Variants in SENP5 observed in about 807,000 individuals in gnomAD.
The protein encoded by SENP5 is SUMO specific peptidase 5.
A neutral mutation model predicts 74.2 loss-of-function variants in SENP5; 21 were observed. That is an observed-to-expected ratio of 0.28 (90% CI 0.20 to 0.41). The LOEUF (loss-of-function observed/expected upper bound fraction) is 0.41, where lower values mean the gene tolerates loss of function less well. Ranked by LOEUF, SENP5 falls within the 10% of genes least tolerant of loss-of-function variation. The pLI is 1.00. For synonymous variants in SENP5, 311 were observed against 312.7 expected (o/e 0.99, Z 0.06); for missense variants, 717 against 889.1 (o/e 0.81, Z 2.46).
At chr3:196,893,589 A>T (rs1355532383) in intron 2 of SENP5, among the ~76,000 whole-genome samples, 1 of 152,142 alleles carries the variant, frequency 6.6e-6, no homozygotes, top group East Asian at 1.9e-4. Context: ...TCCATGATAT[A>T]GTGAATGGAA....
At chr3:196,895,339 C>T (rs1169117036) in intron 2 of SENP5, among the ~76,000 whole-genome samples, 2 of 148,194 alleles carry the variant, frequency 1.3e-5, no homozygotes, top group Admixed American at 1.3e-4. Context: ...GCGCCCGCCA[C>T]CATGCCCGGC....
intron 1 of SENP5, among the ~76,000 whole-genome samples, chr3:196,879,383 T>C (rs2108810261): frequency 6.6e-6 from 1 of 152,346 alleles, no homozygotes; most frequent in South Asian, 2.1e-4. Context: ...TTAATTGTCT[T>C]TATCTTTTGT....
rs1716102331 is a variant in SENP5, at chr3:196,933,024, T to G, written c.*2101T>G. On this transcript the variant is annotated 3_prime_UTR_variant, in exon 10 of 10. Transcript: ENST00000323460. ...AATGTTGAGTTTGGGTTTTTTGTTT[T>G]TTTTTTTTTTTGAGTCAGAGTCTCA... 1.4e-5 allele frequency: 2 copies of G among 139,060 alleles called. No homozygotes were observed. The highest frequency in any genetic ancestry group is 2.6e-5 in the African/African-American group (1 of 37,876). The allele number at this position is 139,060 out of a possible 1,614,324, so 8.6% of individuals were successfully genotyped here.
At chr3:196,929,755 G>A in intron 9 of SENP5, 72 bp downstream of exon 9, 1 of 1,020,354 alleles carries the variant, frequency 9.8e-7, no homozygotes, top group Non-Finnish European at 1.6e-6. Flanking sequence ...GGGAGAGATG[G>A]CAGTTCCTGT....
intron 7 of SENP5, among the ~76,000 whole-genome samples, chr3:196,924,643 A>G (rs1715746505): frequency 6.6e-6 from 1 of 152,204 alleles, no homozygotes; most frequent in Admixed American, 6.5e-5. Flanking sequence ...AAATTGATAC[A>G]GCCGCTTGGG....
rs1003214636 is a variant in SENP5 at position 196,931,643 on chromosome 3, G to A, written c.*720G>A. On this transcript the variant is annotated 3_prime_UTR_variant, in exon 10 of 10. Coordinates refer to ENST00000323460, the MANE Select transcript of SENP5 (RefSeq NM_152699.5). ...ATCGTGGTTTTAGGAATTATAATACGTGGCATACATCTCATAAAGGCTTTT... is the reference window on the plus strand; with the variant it reads ...ATCGTGGTTTTAGGAATTATAATACATGGCATACATCTCATAAAGGCTTTT... The A allele has an allele frequency of 2.0e-5, 5 of 254,468 alleles. No individual in the cohort carries two copies. The highest frequency in any genetic ancestry group is 7.1e-5 in the African/African-American group (3 of 42,464). 15.8% of individuals were successfully genotyped at this position (254,468 alleles called of 1,614,324 possible).
intron 6 of SENP5, among the ~76,000 whole-genome samples, chr3:196,908,934 T>C (rs940681894): frequency 2.7e-5 from 4 of 150,536 alleles, no homozygotes; most frequent in East Asian, 2.0e-4. Context: ...CTGAAGGAGA[T>C]AGAAACACAA....
At chr3:196,889,088 C>T (rs1044519038) in intron 2 of SENP5, among the ~76,000 whole-genome samples, 9 of 151,822 alleles carry the variant, frequency 5.9e-5, no homozygotes, top group African/African-American at 2.2e-4. Context: ...TGCACTCCAG[C>T]CTGGGCGACA....
chr3:196,898,939 C>T (rs941849773), intron 2 of SENP5, among the ~76,000 whole-genome samples: 5 of 151,824 alleles, frequency 3.3e-5, no homozygotes, highest in Admixed American at 6.6e-5. Context: ...ATTAGCCGGG[C>T]GTGGTGGCAG....
At chr3:196,880,007 G>A (rs981583127) in intron 1 of SENP5, among the ~76,000 whole-genome samples, 9 of 151,700 alleles carry the variant, frequency 5.9e-5, no homozygotes, top group Non-Finnish European at 1.0e-4. Context: ...GTGCAGTGGC[G>A]TGATCTCGGC....
chr3:196,868,435 C>T (rs780589847), intron 1 of SENP5, among the ~76,000 whole-genome samples: 34 of 152,224 alleles, frequency 2.2e-4, no homozygotes, highest in Non-Finnish European at 4.4e-4. Flanking sequence ...TTTTTATTTG[C>T]TTAGACCGCT....
At chr3:196,923,342 G>A (rs1715698684) in intron 6 of SENP5, 72 bp from the exon 7 acceptor site, 2 of 1,514,594 alleles carry the variant, frequency 1.3e-6, no homozygotes, top group African/African-American at 2.8e-5. Flanking sequence ...GTCAGCAAAT[G>A]GAAGCTGCTG....
Position 196,923,476 on chromosome 3 carries a change from C to G in SENP5, c.1947C>G (p.Leu649=). Residue 649 remains leucine, a synonymous_variant, in exon 7 of 10, where the codon CTC becomes CTG. Transcript: ENST00000323460. Reference sequence around the variant, plus strand: ...TTCACCTGGAAGTCCACTGGTCTCTCATTACTGTGACACTCTCTAATCGAA... The same window carrying G: ...TTCACCTGGAAGTCCACTGGTCTCTGATTACTGTGACACTCTCTAATCGAA... ...IPIHLEVHWS[L]ITVTLSNRII... 6.2e-7 allele frequency: 1 copy of G among 1,611,688 alleles called. No individual in the cohort carries two copies. The highest frequency in any genetic ancestry group is 8.5e-7 in the Non-Finnish European group (1 of 1,178,114).
intron 6 of SENP5, among the ~76,000 whole-genome samples, chr3:196,918,981 C>G (rs200267312): frequency 5.1e-5 from 1 of 19,452 alleles, no homozygotes; most frequent in Non-Finnish European, 2.3e-4. Context: ...ATGTGTGTAT[C>G]TATCTATCTA....
rs901303862 is a variant in SENP5 at position 196,920,926 on chromosome 3, T to C, written c.1885-2488T>C. Among the ~76,000 whole-genome samples the C allele has an allele frequency of 2.0e-5, 3 of 152,160 alleles. No individual in the cohort carries two copies. The East Asian group carries it at 5.8e-4, about 29-fold the overall frequency. On this transcript the variant is annotated intron_variant, in intron 6 of 9. Coordinates refer to ENST00000323460, the MANE Select transcript of SENP5 (RefSeq NM_152699.5). ...ATCACATGACAGGACTACACTTCTC[T>C]CTTTGGGAGGGCAGAGAAGTCACAT... is the stretch of plus-strand genomic sequence containing the variant.
At position 196,886,629 on chromosome 3, in the gene SENP5, G is replaced by A; in HGVS notation, c.1448G>A (p.Gly483Glu). ...GGACTCAAACTAGAAAATCAAGTAGGAGGTGGAAAGAACAGTCAGAAAGCC... is the reference window on the plus strand; with the variant it reads ...GGACTCAAACTAGAAAATCAAGTAGAAGGTGGAAAGAACAGTCAGAAAGCC... ...CSGLKLENQV[G>E]GGKNSQKASP... Residue 483 changes from glycine to glutamate, a missense_variant, in exon 2 of 10, where the codon GGA (glycine) becomes GAA (glutamate). Physicochemically the swap from Gly to Glu is moderately conservative, Grantham distance 98. Coordinates refer to ENST00000323460, the MANE Select transcript of SENP5 (RefSeq NM_152699.5). 1 of 1,608,412 alleles carries A rather than the reference G, an allele frequency of 6.2e-7. No homozygotes were observed. Among genetic ancestry groups the A allele is most frequent in the Non-Finnish European group, 8.5e-7 (1 of 1,177,890 alleles).
chr3:196,876,628 G>A (rs1295869360), intron 1 of SENP5, among the ~76,000 whole-genome samples: 1 of 151,102 alleles, frequency 6.6e-6, no homozygotes, highest in Non-Finnish European at 1.5e-5. Flanking sequence ...GATGGCTCGT[G>A]TCTATAATCT....
Position 196,900,401 on chromosome 3 carries a change from G to T in SENP5, c.1795G>T (p.Val599Phe). 2 of 1,608,816 alleles carry T rather than the reference G, an allele frequency of 1.2e-6. No individual in the cohort carries two copies. Among genetic ancestry groups the T allele is most frequent in the Non-Finnish European group, 1.7e-6 (2 of 1,177,588 alleles). Residue 599 changes from valine (V) to phenylalanine (F), a missense_variant, in exon 5 of 10, where the codon GTC becomes TTC. By Grantham distance (50) the Val-to-Phe change is conservative. Coordinates refer to ENST00000323460, the MANE Select transcript of SENP5 (RefSeq NM_152699.5). Reference sequence around the variant, plus strand: ...GTATGGTGAGCTGATAATGGATGCAGTCCCAGACAAAGTAAGTGAAAACTT... The same window carrying T: ...GTATGGTGAGCTGATAATGGATGCATTCCCAGACAAAGTAAGTGAAAACTT... The part of the protein sequence containing the change: ...NMYGELIMDA[V>F]PDKVHFFNSF...
chr3:196,929,430 A>G (rs1388977017), intron 8 of SENP5: 3 of 501,490 alleles, frequency 6.0e-6, no homozygotes, highest in Non-Finnish European at 1.0e-5. Context: ...ACATTGTCCT[A>G]TAAATTGGGG....
Sources: gnomAD v4.1 joint callset for allele counts (sites outside exome capture counted in the v4.1 genomes callset) on GRCh38, gnomAD v4.1.1 for gene constraint, MANE v1.5 for transcripts, NCBI Gene and HGNC (gene_info 2026-07-23, HGNC 2026-07-21) for gene names.